CFTR: variants seen among roughly 807,000 people sequenced by gnomAD.
The protein encoded by CFTR is CF transmembrane conductance regulator, also known as cystic fibrosis transmembrane conductance regulator.
CFTR carries 181 observed loss-of-function variants against 171.6 expected under a neutral mutation model. The ratio of observed to expected loss-of-function variants is 1.05; its 90% CI spans 0.93 to 1.19. The LOEUF (loss-of-function observed/expected upper bound fraction) is 1.19, where lower values mean the gene tolerates loss of function less well. CFTR is among the 50% of genes most tolerant of loss of function. The probability of loss-of-function intolerance (pLI) is 0.00; values close to 1 mark genes in which losing one functional copy is unlikely to be tolerated. For missense variants in CFTR, 1,968 were observed against 1,734.7 expected, an observed-to-expected ratio of 1.13 and a Z score of -2.39; for synonymous variants, 583 against 608.0, an observed-to-expected ratio of 0.96 and a Z score of 0.60.
chr7:117,537,390 A>G (rs1219970140), intron 7 of CFTR, among the ~76,000 whole-genome samples: 1 of 143,784 alleles, frequency 7.0e-6, no homozygotes, highest in Non-Finnish European at 1.5e-5. Flanking sequence ...TTTCTGTAGC[A>G]ATGAGACCAT....
At chr7:117,554,681 A>G (rs1308992920) in intron 10 of CFTR, among the ~76,000 whole-genome samples, 2 of 152,120 alleles carry the variant, frequency 1.3e-5, no homozygotes, top group Non-Finnish European at 2.9e-5. Context: ...AAGAAAACCC[A>G]ATAAAATAAA....
intron 1 of CFTR, among the ~76,000 whole-genome samples, chr7:117,480,964 G>T (rs1277705073): frequency 6.6e-6 from 1 of 152,134 alleles, no homozygotes; most frequent in Non-Finnish European, 1.5e-5. Flanking sequence ...CTTTGTTCCT[G>T]TTATTATACT....
At position 117,542,080 on chromosome 7, in the gene CFTR, T is replaced by C. The variant is rs397508172; in HGVS notation, c.1181T>C (p.Met394Thr). 5 of 1,599,504 alleles carry C rather than the reference T, an allele frequency of 3.1e-6. No individual in the cohort carries two copies. The South Asian group carries it at 3.3e-5, about 11-fold the overall frequency. ...AACTTAACGACTACAGAAGTAGTGA[T>C]GGAGAATGTAACAGCCTTCTGGGAG... ...EYNLTTTEVV[M>T]ENVTAFWEEG... Residue 394 changes from methionine (M) to threonine (T), a missense_variant, in exon 9 of 27, where the codon ATG (methionine) becomes ACG (threonine). Physicochemically the swap from Met to Thr is moderately conservative, Grantham distance 81. Coordinates refer to ENST00000003084, the MANE Select transcript of CFTR (RefSeq NM_000492.4).
At chr7:117,519,572 C>T (rs2116655355) in intron 3 of CFTR, among the ~76,000 whole-genome samples, 1 of 151,912 alleles carries the variant, frequency 6.6e-6, no homozygotes, top group South Asian at 2.1e-4. Context: ...TTATTTTCTT[C>T]TGATTAATAA....
intron 1 of CFTR, among the ~76,000 whole-genome samples, chr7:117,484,707 A>G (rs1047892155): frequency 7.9e-5 from 12 of 151,354 alleles, no homozygotes; most frequent in Non-Finnish European, 1.3e-4. Context: ...TATATATAAA[A>G]TATCTTTGTA....
intron 4 of CFTR, among the ~76,000 whole-genome samples, chr7:117,533,299 T>G (rs1798892765): frequency 6.6e-6 from 1 of 152,126 alleles, no homozygotes; most frequent in South Asian, 2.1e-4. Flanking sequence ...CTATACACTA[T>G]TTATTATTCT....
At chr7:117,610,761 G>T in intron 19 of CFTR, 92 bp downstream of exon 19, 1 of 1,411,240 alleles carries the variant, frequency 7.1e-7, no homozygotes, top group Non-Finnish European at 9.8e-7. Context: ...AAAAAATTCT[G>T]CTTTTAAACT....
At position 117,582,344 on chromosome 7, in the gene CFTR, A is replaced by G. The variant is rs138006399; in HGVS notation, c.1585-5395A>G. 1.4e-3 allele frequency among the ~76,000 whole-genome samples: 218 copies of G among 152,288 alleles called. 2 individuals carry two copies. The highest frequency in any genetic ancestry group is 5.1e-3 in the African/African-American group (212 of 41,576). On this transcript the variant is annotated intron_variant, in intron 11 of 26. Coordinates refer to ENST00000003084, the MANE Select transcript of CFTR (RefSeq NM_000492.4). ...CTTTGTTACTTATTGAGCAACCACT[A>G]CAAGCACAGTTTACATGACATCTGA...
intron 11 of CFTR, among the ~76,000 whole-genome samples, chr7:117,580,695 C>T (rs1433203545): frequency 6.6e-6 from 1 of 152,040 alleles, no homozygotes; most frequent in East Asian, 1.9e-4. Flanking sequence ...TCAGTCTAGT[C>T]TAGTCCAGAC....
chr7:117,612,715 A>C (rs1012459369), intron 20 of CFTR, among the ~76,000 whole-genome samples: 4 of 152,080 alleles, frequency 2.6e-5, no homozygotes, highest in African/African-American at 7.2e-5. Flanking sequence ...GAACACCGAG[A>C]AGGTGGTGCC....
Position 117,536,584 on chromosome 7 carries a change from G to C in CFTR, c.780G>C (p.Val260=), listed in dbSNP as rs946917523. The part of the protein sequence containing the change: ...QRAGKISERL[V]ITSEMIENIQ... Reference sequence around the variant, plus strand: ...CTGGGAAGATCAGTGAAAGACTTGTGATTACCTCAGAAATGATTGAAAATA... The same window carrying C: ...CTGGGAAGATCAGTGAAAGACTTGTCATTACCTCAGAAATGATTGAAAATA... The change falls in exon 7 of 27, where the codon GTG becomes GTC. Residue 260 remains valine, a synonymous_variant. Coordinates refer to ENST00000003084, the MANE Select transcript of CFTR (RefSeq NM_000492.4). The C allele has an allele frequency of 1.9e-6, 3 of 1,605,030 alleles. No homozygotes were observed. The African/African-American group carries it at 4.0e-5, about 21-fold the overall frequency.
chr7:117,590,441 T>C lies in CFTR; in HGVS notation c.1766+2T>C, dbSNP rs1554389062. The C allele has an allele frequency of 6.2e-7, 1 of 1,600,210 alleles. No homozygotes were observed. The highest frequency in any genetic ancestry group is 1.1e-5 in the South Asian group (1 of 90,830). On this transcript the variant is annotated splice_donor_variant, in intron 13 of 26. Coordinates refer to ENST00000003084, the MANE Select transcript of CFTR (RefSeq NM_000492.4). LOFTEE classifies it high-confidence loss of function. ...AACAGAAAAAGAAATATTTGAAAGG[T>C]ATGTTCTTTGAATACCTTACTTATA...
At chr7:117,588,948 T>C (rs1030606436) in intron 12 of CFTR, among the ~76,000 whole-genome samples, 3 of 152,150 alleles carry the variant, frequency 2.0e-5, no homozygotes, top group Non-Finnish European at 2.9e-5. Flanking sequence ...TGATTGTTTT[T>C]ATCTGTGAGC....
At chr7:117,638,926 C>T (rs1026616158) in intron 22 of CFTR, among the ~76,000 whole-genome samples, 14 of 152,124 alleles carry the variant, frequency 9.2e-5, no homozygotes, top group African/African-American at 3.4e-4. Flanking sequence ...AAGAAGTCAA[C>T]TCAAATTTAG....
intron 1 of CFTR, among the ~76,000 whole-genome samples, chr7:117,483,509 T>G (rs1363692879): frequency 6.6e-6 from 1 of 152,156 alleles, no homozygotes; most frequent in Non-Finnish European, 1.5e-5. Context: ...TACCTAATTT[T>G]AGGTGTTTTC....
chr7:117,521,551 G>A (rs1294243507), intron 3 of CFTR, among the ~76,000 whole-genome samples: 3 of 151,974 alleles, frequency 2.0e-5, no homozygotes, highest in Non-Finnish European at 2.9e-5. Flanking sequence ...GATAATCATA[G>A]GTTCTTCTGT....
At chr7:117,552,225 C>T (rs1197153161) in intron 10 of CFTR, among the ~76,000 whole-genome samples, 1 of 152,002 alleles carries the variant, frequency 6.6e-6, no homozygotes, top group East Asian at 1.9e-4. Context: ...AACTCCTGGG[C>T]TCAATTGACC....
chr7:117,654,600 T>A (rs2046356902), intron 24 of CFTR, among the ~76,000 whole-genome samples: 1 of 152,090 alleles, frequency 6.6e-6, no homozygotes, highest in African/African-American at 2.4e-5. Flanking sequence ...GATCCAATGG[T>A]TTCATAAGGC....
intron 3 of CFTR, among the ~76,000 whole-genome samples, chr7:117,513,324 G>A (rs1029402238): frequency 3.3e-5 from 5 of 151,934 alleles, no homozygotes; most frequent in Non-Finnish European, 7.4e-5. Context: ...GGGTAGCAAA[G>A]GGGGTCTTGT....
Sources: allele counts gnomAD v4.1 joint callset (sites outside exome capture counted in the v4.1 genomes callset), GRCh38; gene constraint gnomAD v4.1.1; transcripts MANE v1.5; gene names NCBI Gene and HGNC (gene_info 2026-07-23, HGNC 2026-07-21).